CPPED1: variants seen among roughly 807,000 people sequenced by gnomAD.
The protein encoded by CPPED1 is calcineurin like phosphoesterase domain containing 1.
CPPED1 carries 28 observed loss-of-function variants against 28.0 expected under a neutral mutation model. That is an observed-to-expected ratio of 1.00 (90% confidence interval 0.74 to 1.37). The LOEUF (loss-of-function observed/expected upper bound fraction) is 1.37, where lower values mean the gene tolerates loss of function less well. Ranked by LOEUF, CPPED1 falls within the 40% of genes most tolerant of loss-of-function variation. CPPED1 has a pLI of 0.00. For synonymous variants in CPPED1, 198 were observed against 180.2 expected, an observed-to-expected ratio of 1.10 and a Z score of -0.79; for missense variants, 504 against 416.5, an observed-to-expected ratio of 1.21 and a Z score of -1.83.
intron 2 of CPPED1, among the ~76,000 whole-genome samples, chr16:12,748,249 T>C (rs1596469919): frequency 6.6e-6 from 1 of 152,214 alleles, no homozygotes; most frequent in African/African-American, 2.4e-5. Context: ...AATTGTGTTA[T>C]ACTCATATAT....
chr16:12,687,721 A>G (rs1297490686), intron 3 of CPPED1, among the ~76,000 whole-genome samples: 4 of 152,170 alleles, frequency 2.6e-5, no homozygotes, highest in African/African-American at 9.7e-5. Context: ...TGACTGGAAT[A>G]GAGGAAAGAG....
chr16:12,722,353 C>T (rs778492557), intron 2 of CPPED1, among the ~76,000 whole-genome samples: 3 of 152,184 alleles, frequency 2.0e-5, no homozygotes, highest in African/African-American at 2.4e-5. Context: ...AATGATTTCT[C>T]CAGCTGAGGC....
intron 3 of CPPED1, among the ~76,000 whole-genome samples, chr16:12,688,982 T>C (rs1407847157): frequency 6.6e-6 from 1 of 152,192 alleles, no homozygotes; most frequent in South Asian, 2.1e-4. Context: ...AGCATTTTTA[T>C]GTTAAGATTT....
chr16:12,752,043 A>T (rs1048263796), intron 2 of CPPED1, among the ~76,000 whole-genome samples: 2 of 152,194 alleles, frequency 1.3e-5, no homozygotes, highest in African/African-American at 2.4e-5. Flanking sequence ...CCCAGGTCAA[A>T]GCATTTCCCA....
intron 1 of CPPED1, among the ~76,000 whole-genome samples, chr16:12,794,115 C>T (rs1027937111): frequency 2.0e-5 from 3 of 152,042 alleles, no homozygotes; most frequent in African/African-American, 7.2e-5. Context: ...ACTTAACAAT[C>T]GTAATGTCCC....
At chr16:12,718,907 G>A (rs2080122503) in intron 2 of CPPED1, among the ~76,000 whole-genome samples, 1 of 152,128 alleles carries the variant, frequency 6.6e-6, no homozygotes, top group Non-Finnish European at 1.5e-5. Context: ...AGGTTGCAGT[G>A]AGCTGAGATC....
intron 1 of CPPED1, among the ~76,000 whole-genome samples, chr16:12,785,848 C>T (rs768413011): frequency 6.6e-6 from 1 of 151,956 alleles, no homozygotes; most frequent in Non-Finnish European, 1.5e-5. Flanking sequence ...TCTGGAAGCA[C>T]TCTTTTAGCA....
At chr16:12,704,570 T>C in intron 3 of CPPED1, 54 bp downstream of exon 3, 1 of 1,516,978 alleles carries the variant, frequency 6.6e-7, no homozygotes. Context: ...GATCTGGAAA[T>C]GCCCTCTCTA....
intron 2 of CPPED1, among the ~76,000 whole-genome samples, chr16:12,758,135 G>A (rs2080383874): frequency 6.6e-6 from 1 of 152,028 alleles, no homozygotes; most frequent in Non-Finnish European, 1.5e-5. Context: ...TGAACACCAT[G>A]TCAAGTGAGG....
rs575927706 is a variant in CPPED1 at position 12,735,360 on chromosome 16, C to T, written c.290-30311G>A. ...AGGCTAGAGCACAGTGGCATGATCTCGGCTCACTGCAAACTCCACCTCCTG... is the reference window on the plus strand; with the variant it reads ...AGGCTAGAGCACAGTGGCATGATCTTGGCTCACTGCAAACTCCACCTCCTG... On this transcript the variant is annotated intron_variant, in intron 2 of 3. Transcript: ENST00000381774. Among the ~76,000 whole-genome samples, 25 of 152,336 alleles carry T rather than the reference C, an allele frequency of 1.6e-4. No homozygotes were observed. The East Asian group carries it at 4.0e-3, about 25-fold the overall frequency.
chr16:12,746,367 C>A, intron 2 of CPPED1, among the ~76,000 whole-genome samples: 1 of 106,996 alleles, frequency 9.3e-6, no homozygotes, highest in African/African-American at 3.5e-5. Context: ...GAGCAAGACT[C>A]TGACTCAAAA....
chr16:12,710,184 T>C (rs2080072946), intron 2 of CPPED1, among the ~76,000 whole-genome samples: 1 of 152,090 alleles, frequency 6.6e-6, no homozygotes, highest in Non-Finnish European at 1.5e-5. Context: ...AAAGTAAATA[T>C]ATAAAAATCA....
chr16:12,676,070 T>G (rs2079876118), intron 3 of CPPED1, among the ~76,000 whole-genome samples: 1 of 152,200 alleles, frequency 6.6e-6, no homozygotes, highest in South Asian at 2.1e-4. Flanking sequence ...TTCTTCACTT[T>G]TCGTCGTCAA....
At chr16:12,796,738 A>G (rs2080629950) in intron 1 of CPPED1, among the ~76,000 whole-genome samples, 1 of 152,112 alleles carries the variant, frequency 6.6e-6, no homozygotes, top group Admixed American at 6.5e-5. Flanking sequence ...TACCCAAAAG[A>G]TATGAGAACA....
At chr16:12,803,379 TAATGCACAGCTTGGAA>T (rs2080672408) in intron 1 of CPPED1, among the ~76,000 whole-genome samples, 1 of 152,238 alleles carries the variant, frequency 6.6e-6, no homozygotes. Flanking sequence ...GCCAAGATGC[TAATGCACAGCTTGGAA>T]ACCAGGTCTC....
At position 12,770,998 on chromosome 16, in the gene CPPED1, A is replaced by C. The variant is rs576305520; in HGVS notation, c.289+10187T>G. On this transcript the variant is annotated intron_variant, in intron 2 of 3. Transcript: ENST00000381774. The stretch of plus-strand genomic sequence containing the variant: ...TTAGGGGGTGGTCAAAGTTTATTTT[A>C]AATATAGATTTTAAATTTACAAGGA... 2.6e-5 allele frequency among the ~76,000 whole-genome samples: 4 copies of C among 152,334 alleles called. No individual in the cohort carries two copies. The South Asian group carries it at 6.2e-4, about 24-fold the overall frequency.
chr16:12,716,281 C>T (rs1279989781), intron 2 of CPPED1, among the ~76,000 whole-genome samples: 1 of 152,220 alleles, frequency 6.6e-6, no homozygotes, highest in Non-Finnish European at 1.5e-5. Context: ...GGTATGTACA[C>T]ACTTAATCAT....
At chr16:12,723,846 C>A (rs527549994) in intron 2 of CPPED1, among the ~76,000 whole-genome samples, 10 of 152,230 alleles carry the variant, frequency 6.6e-5, no homozygotes, top group Admixed American at 1.3e-4. Flanking sequence ...CTTCTCCCCA[C>A]TGGTTTCTGC....
In CPPED1 at chr16:12,787,467, G is replaced by A. The variant is rs535316179; in HGVS notation, c.71-6064C>T. ...GTCACTCAGACTGCAGTGCGGTGGC[G>A]TGGTCTCAGCTCACTGCAACCTCTG... is the stretch of plus-strand genomic sequence containing the variant. On this transcript the variant is annotated intron_variant, in intron 1 of 3. Transcript: ENST00000381774. Among the ~76,000 whole-genome samples, 242 of 148,920 alleles carry A rather than the reference G, an allele frequency of 1.6e-3. 2 individuals are homozygous for A. The highest frequency in any genetic ancestry group is 5.2e-3 in the African/African-American group (209 of 40,130).
Sources: gnomAD v4.1 joint callset for allele counts (sites outside exome capture counted in the v4.1 genomes callset) on GRCh38, gnomAD v4.1.1 for gene constraint, MANE v1.5 for transcripts, NCBI Gene and HGNC (gene_info 2026-07-23, HGNC 2026-07-21) for gene names.